The following ARFGEF3 variants were observed in gnomAD, a reference collection of about 807,000 sequenced individuals.
ARFGEF3 encodes brefeldin A-inhibited guanine nucleotide-exchange protein 3.
ARFGEF3 carries 96 observed loss-of-function variants against 221.7 expected under a neutral mutation model. The ratio of observed to expected loss-of-function variants is 0.43; its 90% CI spans 0.37 to 0.51. The LOEUF is 0.51. ARFGEF3 is among the 20% of genes least tolerant of loss of function. The probability of loss-of-function intolerance (pLI) is 0.00; values close to 1 mark genes in which losing one functional copy is unlikely to be tolerated. For missense variants in ARFGEF3, 2,410 were observed against 2,789.9 expected (o/e 0.86, Z 3.07); for synonymous variants, 1,145 against 1,126.8 (o/e 1.02, Z -0.32).
At chr6:138,233,577 C>G (rs1468460592) in intron 5 of ARFGEF3, among the ~76,000 whole-genome samples, 2 of 152,108 alleles carry the variant, frequency 1.3e-5, no homozygotes, top group African/African-American at 4.8e-5. Context: ...TGGGATTTCG[C>G]CTTATTGGCC....
At chr6:138,229,983 C>G (rs1778160566) in intron 5 of ARFGEF3, 131 bp downstream of exon 5, 1 of 760,698 alleles carries the variant, frequency 1.3e-6, no homozygotes, top group African/African-American at 1.7e-5. Context: ...GGAATTTCCG[C>G]TAAGGAATTG....
At chr6:138,330,805 T>C (rs954696002) in intron 32 of ARFGEF3, among the ~76,000 whole-genome samples, 1 of 152,206 alleles carries the variant, frequency 6.6e-6, no homozygotes, top group Non-Finnish European at 1.5e-5. Context: ...ATGTGGAATG[T>C]TCAAAAGTTA....
intron 32 of ARFGEF3, among the ~76,000 whole-genome samples, chr6:138,330,584 C>T (rs987944182): frequency 8.5e-5 from 13 of 152,102 alleles, no homozygotes; most frequent in Non-Finnish European, 1.9e-4. Flanking sequence ...GCAGGAGAAT[C>T]GCTTGAACCC....
At position 138,195,071 on chromosome 6, in the gene ARFGEF3, C is replaced by T. The variant is rs188274892; in HGVS notation, c.138-11971C>T. On this transcript the variant is annotated intron_variant, in intron 2 of 33. Transcript: ENST00000251691. Reference sequence around the variant, plus strand: ...AGGCTGGAGTGCAGTGGCGTGATCTCGGCTTACTGCAACCTCTGCCTCCCA... The same window carrying T: ...AGGCTGGAGTGCAGTGGCGTGATCTTGGCTTACTGCAACCTCTGCCTCCCA... 1.1e-3 allele frequency among the ~76,000 whole-genome samples: 140 copies of T among 126,932 alleles called. 1 individual carries two copies. Among genetic ancestry groups the T allele is most frequent in the African/African-American group, 4.0e-3 (128 of 32,338 alleles). 83.3% of individuals were successfully genotyped at this position (126,932 alleles called of 152,430 possible).
At chr6:138,270,105 G>A (rs1171428672) in intron 12 of ARFGEF3, among the ~76,000 whole-genome samples, 4 of 152,144 alleles carry the variant, frequency 2.6e-5, no homozygotes, top group Admixed American at 6.5e-5. Flanking sequence ...GCTTTCAGGA[G>A]CTCTCTGGAA....
chr6:138,245,464 TCGTGCCCCCTG>T, intron 7 of ARFGEF3, 38 bp from the exon 8 acceptor site: 1 of 1,295,434 alleles, frequency 7.7e-7, no homozygotes, highest in South Asian at 1.2e-5. Flanking sequence ...AGGGAGCTCG[TCGTGCCCCCTG>T]TCGATGTCTC....
At chr6:138,199,994 A>G (rs1777503230) in intron 2 of ARFGEF3, among the ~76,000 whole-genome samples, 2 of 152,088 alleles carry the variant, frequency 1.3e-5, no homozygotes, top group African/African-American at 2.4e-5. Flanking sequence ...GCCATTCAGC[A>G]TTATGTTGGC....
rs1347618412 is a variant in ARFGEF3 at position 138,162,209 on chromosome 6, C to G, written c.85+38C>G. On this transcript the variant is annotated intron_variant, in intron 1 of 33. Coordinates refer to ENST00000251691, the MANE Select transcript of ARFGEF3 (RefSeq NM_020340.5). This position sits in a 1 kb window ranked among gnomAD's most constrained non-coding sequence, Gnocchi z 4.7. ...CACCTGCTCGCCGCGGCGGGAGGGC[C>G]GCGCGGCCGGGGCTGAACCCGCGCC... is the stretch of plus-strand genomic sequence containing the variant. 6.5e-7 allele frequency: 1 copy of G among 1,534,024 alleles called. No individual in the cohort carries two copies. The highest frequency in any genetic ancestry group is 8.9e-7 in the Non-Finnish European group (1 of 1,123,698).
chr6:138,249,361 ACT>A (rs951191438), intron 8 of ARFGEF3, among the ~76,000 whole-genome samples: 6 of 152,042 alleles, frequency 3.9e-5, no homozygotes, highest in African/African-American at 1.4e-4. Context: ...AGACAGTCTC[ACT>A]CTGTCGCCCA....
chr6:138,317,386 A>G lies in ARFGEF3; in HGVS notation c.4474+7A>G. 3 of 1,613,804 alleles carry G rather than the reference A, an allele frequency of 1.9e-6. No individual in the cohort carries two copies. The highest frequency in any genetic ancestry group is 2.5e-6 in the Non-Finnish European group (3 of 1,179,838). On this transcript the variant is annotated splice_region_variant and intron_variant, in intron 27 of 33. Transcript: ENST00000251691. ...GATGTGACGAAAACACCAGGTAAATATTTCTGTGTCCGTCTTTTGGGGGAG... is the reference window on the plus strand; with the variant it reads ...GATGTGACGAAAACACCAGGTAAATGTTTCTGTGTCCGTCTTTTGGGGGAG...
At chr6:138,325,117 T>C (rs1780105611) in intron 31 of ARFGEF3, among the ~76,000 whole-genome samples, 1 of 152,262 alleles carries the variant, frequency 6.6e-6, no homozygotes, top group Admixed American at 6.5e-5. Context: ...ATGGTATGTA[T>C]TTAAAATATT....
Position 138,189,538 on chromosome 6 carries a change from A to T in ARFGEF3, c.138-17504A>T, listed in dbSNP as rs182673529. Among the ~76,000 whole-genome samples the T allele has an allele frequency of 1.0e-3, 154 of 152,328 alleles. 1 individual carries two copies. Among genetic ancestry groups the T allele is most frequent in the African/African-American group, 3.7e-3 (152 of 41,564 alleles). ...TCTGAGAGTATACAATGAAATTAGG[A>T]TATATAGTATGTAATATTTTGAAGC... is the stretch of plus-strand genomic sequence containing the variant. On this transcript the variant is annotated intron_variant, in intron 2 of 33. Transcript: ENST00000251691.
intron 2 of ARFGEF3, among the ~76,000 whole-genome samples, chr6:138,183,107 A>G (rs7765043): frequency 4.6e-5 from 7 of 152,074 alleles, no homozygotes; most frequent in Admixed American, 2.6e-4. Flanking sequence ...AAGCCAGGAA[A>G]CTGGGTCCAG....
chr6:138,333,844 T>C, intron 32 of ARFGEF3, 126 bp from the exon 33 acceptor site: 1 of 1,047,530 alleles, frequency 9.5e-7, no homozygotes, highest in African/African-American at 1.6e-5. Context: ...GGAAGACATT[T>C]GAGTAGAGGT....
Position 138,334,727 on chromosome 6 carries a change from C to T in ARFGEF3, c.5881C>T (p.Pro1961Ser), listed in dbSNP as rs768928153. The T allele has an allele frequency of 6.2e-7, 1 of 1,609,208 alleles. No homozygotes were observed. Residue 1961 changes from proline (P) to serine (S), a missense_variant, in exon 33 of 34, where the codon CCT (proline) becomes TCT (serine). Pro to Ser is a moderately conservative substitution (Grantham distance 74). Coordinates refer to ENST00000251691, the MANE Select transcript of ARFGEF3 (RefSeq NM_020340.5). The surrounding 1 kb of genome is among the most constrained non-coding windows in gnomAD (Gnocchi z 5.1). Reference protein sequence around the residue: ...STGGFSGKETPSEDDRSQSRE... With the variant: ...STGGFSGKETSSEDDRSQSRE... ...CGGGGGCTTCTCTGGGAAAGAAACC[C>T]CTTCCGAGGATGACAGAAGCCAGTC...
intron 2 of ARFGEF3, among the ~76,000 whole-genome samples, chr6:138,182,263 CA>C (rs1777091045): frequency 6.6e-6 from 1 of 152,160 alleles, no homozygotes; most frequent in Non-Finnish European, 1.5e-5. Context: ...TGACTTAATA[CA>C]GAAGATTTTT....
chr6:138,162,060 C>A lies in ARFGEF3; in HGVS notation c.-27C>A. 2 of 1,545,082 alleles carry A rather than the reference C, an allele frequency of 1.3e-6. No homozygotes were observed. The highest frequency in any genetic ancestry group is 1.8e-6 in the Non-Finnish European group (2 of 1,140,866). On this transcript the variant is annotated 5_prime_UTR_variant, in exon 1 of 34. Coordinates refer to ENST00000251691, the MANE Select transcript of ARFGEF3 (RefSeq NM_020340.5). The surrounding 1 kb of genome is among the most constrained non-coding windows in gnomAD (Gnocchi z 4.7). ...TCGCCCGCGCTTCTCTCCCTGTGGG[C>A]GGCGGCCCGGCGCCTGGAAGGTCAA... is the stretch of plus-strand genomic sequence containing the variant.
intron 2 of ARFGEF3, among the ~76,000 whole-genome samples, chr6:138,172,974 ATTACT>A (rs1403266501): frequency 6.6e-6 from 1 of 152,210 alleles, no homozygotes; most frequent in African/African-American, 2.4e-5. Context: ...TATTTTAAAA[ATTACT>A]TTAAACATAC....
chr6:138,220,443 T>G (rs559908984), intron 4 of ARFGEF3, among the ~76,000 whole-genome samples: 1 of 152,346 alleles, frequency 6.6e-6, no homozygotes, highest in South Asian at 2.1e-4. Context: ...ATTATTTCCA[T>G]TGTATTTATT....
Sources: allele counts gnomAD v4.1 joint callset (sites outside exome capture counted in the v4.1 genomes callset), GRCh38; gene constraint gnomAD v4.1.1; non-coding constraint Gnocchi (gnomAD v3.1); transcripts MANE v1.5; gene names NCBI Gene and HGNC (gene_info 2026-07-23, HGNC 2026-07-21).